The following DYRK1A variants were observed in gnomAD, a reference collection of about 807,000 sequenced individuals.
DYRK1A encodes the protein dual specificity tyrosine-phosphorylation-regulated kinase 1A.
DYRK1A carries 9 observed loss-of-function variants against 79.7 expected under a neutral mutation model. That is an observed-to-expected ratio of 0.11 (90% CI 0.07 to 0.20). The LOEUF is 0.20. Among genes scored for constraint, DYRK1A ranks in the 10% least tolerant of loss-of-function variants. DYRK1A has a pLI of 1.00. For missense variants in DYRK1A, 622 were observed against 956.0 expected, an observed-to-expected ratio of 0.65 and a Z score of 4.61; for synonymous variants, 349 against 329.7, an observed-to-expected ratio of 1.06 and a Z score of -0.63.
intron 1 of DYRK1A, among the ~76,000 whole-genome samples, chr21:37,380,037 A>T (rs961326753): frequency 1.3e-5 from 2 of 152,214 alleles, no homozygotes; most frequent in Non-Finnish European, 2.9e-5. Flanking sequence ...ATTTTCCTTA[A>T]AGCGAACATA....
At chr21:37,483,012 C>T (rs529574035) in intron 5 of DYRK1A, among the ~76,000 whole-genome samples, 6 of 152,192 alleles carry the variant, frequency 3.9e-5, no homozygotes, top group Admixed American at 3.3e-4. Context: ...CACACATGCT[C>T]TACAATTTGT....
At position 37,478,229 on chromosome 21, in the gene DYRK1A, C is replaced by T; in HGVS notation, c.229C>T (p.Arg77Cys). The change falls in exon 4 of 12, where the codon CGT becomes TGT. Residue 77 changes from arginine to cysteine, a missense_variant. Arg to Cys is a radical substitution (Grantham distance 180). Transcript: ENST00000647188. ...ACAGAGGCGGATGCCCCAAACCTTCCGTGACCCAGCAACTGCTCCCCTGAG... is the reference window on the plus strand; with the variant it reads ...ACAGAGGCGGATGCCCCAAACCTTCTGTGACCCAGCAACTGCTCCCCTGAG... ...TNQRRMPQTFRDPATAPLRKL... is the reference protein window; with the variant it reads ...TNQRRMPQTFCDPATAPLRKL... 1.2e-6 allele frequency: 2 copies of T among 1,614,124 alleles called. No homozygotes were observed. The highest frequency in any genetic ancestry group is 1.3e-5 in the African/African-American group (1 of 75,044).
At chr21:37,382,852 G>A (rs1190412180) in intron 1 of DYRK1A, among the ~76,000 whole-genome samples, 1 of 152,160 alleles carries the variant, frequency 6.6e-6, no homozygotes, top group Non-Finnish European at 1.5e-5. Context: ...TGAACATTTA[G>A]AGAAAAAGAA....
intron 2 of DYRK1A, among the ~76,000 whole-genome samples, chr21:37,429,383 A>G (rs1049236013): frequency 3.3e-5 from 5 of 152,200 alleles, no homozygotes; most frequent in Non-Finnish European, 5.9e-5. Flanking sequence ...TCATTTATGA[A>G]GAAAAGAGTT....
rs113239221 is a variant in DYRK1A, at chr21:37,492,878, T to C, written c.925-139T>C. ...AGTTCTTTAAGCCGTATTCGTAGTC[T>C]AATGTTGAAGTTAATCAATGGAACC... is the stretch of plus-strand genomic sequence containing the variant. On this transcript the variant is annotated intron_variant, in intron 7 of 11. Transcript: ENST00000647188. 1.1e-5 allele frequency: 7 copies of C among 616,168 alleles called. No individual in the cohort carries two copies. The African/African-American group carries it at 1.3e-4, about 11-fold the overall frequency. The allele number at this position is 616,168 out of a possible 1,614,324, so 38.2% of individuals were successfully genotyped here. A position where few individuals can be genotyped will look rare whatever the true frequency, so the allele number is the denominator to read the frequency against.
At chr21:37,441,333 G>C (rs780469777) in intron 2 of DYRK1A, among the ~76,000 whole-genome samples, 13 of 151,888 alleles carry the variant, frequency 8.6e-5, no homozygotes, top group Non-Finnish European at 1.8e-4. Flanking sequence ...GTTGTTCCTG[G>C]TCTGAAATCT....
intron 2 of DYRK1A, among the ~76,000 whole-genome samples, chr21:37,429,353 A>G (rs2050712975): frequency 6.6e-6 from 1 of 152,192 alleles, no homozygotes; most frequent in Non-Finnish European, 1.5e-5. Flanking sequence ...GCACTGCTAT[A>G]AAGGAAACCT....
intron 1 of DYRK1A, among the ~76,000 whole-genome samples, chr21:37,415,016 G>C (rs2050311069): frequency 6.6e-6 from 1 of 152,116 alleles, no homozygotes; most frequent in African/African-American, 2.4e-5. Context: ...CTCCCCTTCA[G>C]TTTTAGAAAT....
chr21:37,389,936 T>TA (rs1281067459), intron 1 of DYRK1A, among the ~76,000 whole-genome samples: 1 of 151,650 alleles, frequency 6.6e-6, no homozygotes, highest in Non-Finnish European at 1.5e-5. Context: ...TTTTTTTTTT[T>TA]TTTTAGAGAC....
chr21:37,456,613 G>C (rs1221615772), intron 2 of DYRK1A, among the ~76,000 whole-genome samples: 1 of 152,070 alleles, frequency 6.6e-6, no homozygotes, highest in East Asian at 1.9e-4. Context: ...TGTCTTTTAT[G>C]GGGAATTTCT....
At chr21:37,428,034 A>G (rs1484072930) in intron 2 of DYRK1A, among the ~76,000 whole-genome samples, 4 of 152,124 alleles carry the variant, frequency 2.6e-5, no homozygotes, top group African/African-American at 9.7e-5. Flanking sequence ...ATTTACTCCT[A>G]ATGATAACTC....
chr21:37,366,456 C>T (rs1305958579), upstream of DYRK1A, among the ~76,000 whole-genome samples: 5 of 148,372 alleles, frequency 3.4e-5, no homozygotes, highest in Admixed American at 3.3e-4. Context: ...CGCGCACAGG[C>T]CTGGCCGCCG....
At chr21:37,433,791 C>A (rs1389182626) in intron 2 of DYRK1A, among the ~76,000 whole-genome samples, 1 of 152,164 alleles carries the variant, frequency 6.6e-6, no homozygotes, top group Non-Finnish European at 1.5e-5. Flanking sequence ...AACCAAGAGA[C>A]ATTGATGTGT....
At chr21:37,399,161 G>A (rs2050010670) in intron 1 of DYRK1A, among the ~76,000 whole-genome samples, 1 of 151,876 alleles carries the variant, frequency 6.6e-6, no homozygotes, top group Non-Finnish European at 1.5e-5. Flanking sequence ...AGAGAGCAGA[G>A]CCCTTTAGTG....
chr21:37,405,003 A>G (rs946421597), intron 1 of DYRK1A, among the ~76,000 whole-genome samples: 1 of 152,240 alleles, frequency 6.6e-6, no homozygotes, highest in African/African-American at 2.4e-5. Flanking sequence ...CTCTTACGGC[A>G]TGTACATTCT....
intron 2 of DYRK1A, among the ~76,000 whole-genome samples, chr21:37,472,295 A>T (rs1380099506): frequency 6.6e-6 from 1 of 152,200 alleles, no homozygotes; most frequent in Non-Finnish European, 1.5e-5. Flanking sequence ...CATCTCAGAA[A>T]TGTTCCTTTG....
chr21:37,410,723 T>C (rs1002531690), intron 1 of DYRK1A: 1 of 152,172 alleles, frequency 6.6e-6, no homozygotes, highest in Admixed American at 6.5e-5. Context: ...TTTTCTCACC[T>C]ATTGCACGTC....
At chr21:37,484,084 G>C (rs151305813) in intron 5 of DYRK1A, among the ~76,000 whole-genome samples, 20 of 152,314 alleles carry the variant, frequency 1.3e-4, no homozygotes, top group African/African-American at 4.6e-4. Flanking sequence ...ATCAGCAGCA[G>C]CGTTAGATTC....
intron 1 of DYRK1A, among the ~76,000 whole-genome samples, chr21:37,379,312 A>T (rs1190650343): frequency 6.6e-6 from 1 of 152,192 alleles, no homozygotes; most frequent in Non-Finnish European, 1.5e-5. Flanking sequence ...TGGAAGACAG[A>T]TGGGAAAACC....
Sources: allele counts gnomAD v4.1 joint callset (sites outside exome capture counted in the v4.1 genomes callset), GRCh38; gene constraint gnomAD v4.1.1; transcripts MANE v1.5; gene names NCBI Gene and HGNC (gene_info 2026-07-23, HGNC 2026-07-21).